The following SLIT1 variants were observed in gnomAD, a reference collection of about 807,000 sequenced individuals.
SLIT1 encodes slit guidance ligand 1.
SLIT1 carries 66 observed loss-of-function variants against 186.1 expected under a neutral mutation model. That is an observed-to-expected ratio of 0.35 (90% confidence interval 0.29 to 0.44). The LOEUF is 0.44. SLIT1 is among the 20% of genes least tolerant of loss of function. The pLI, the probability that SLIT1 is intolerant of heterozygous loss-of-function variation, is 1.00. For synonymous variants in SLIT1, 761 were observed against 833.8 expected (o/e 0.91, Z 1.50); for missense variants, 1,638 against 2,037.4 (o/e 0.80, Z 3.77).
chr10:97,037,628 C>T, intron 22 of SLIT1, 70 bp downstream of exon 22: 1 of 1,231,082 alleles, frequency 8.1e-7, no homozygotes, highest in Non-Finnish European at 1.2e-6. Flanking sequence ...GTAGGAAATT[C>T]CAGGAAAGCC....
chr10:97,073,141 T>G lies in SLIT1; in HGVS notation c.414-7055A>C, dbSNP rs564061994. Reference sequence around the variant, plus strand: ...TTTTTGCTCCAACTGACTTCCTACCTTGCCAATACTTGTCTCATCTTTCCC... The same window carrying G: ...TTTTTGCTCCAACTGACTTCCTACCGTGCCAATACTTGTCTCATCTTTCCC... On this transcript the variant is annotated intron_variant, in intron 4 of 36. Transcript: ENST00000266058. Among the ~76,000 whole-genome samples, 11 of 152,324 alleles carry G rather than the reference T, an allele frequency of 7.2e-5. No individual in the cohort carries two copies. In the East Asian group the frequency reaches 2.1e-3, roughly 29 times the overall value.
At chr10:97,051,363 A>G (rs561079034) in intron 13 of SLIT1, among the ~76,000 whole-genome samples, 563 of 151,934 alleles carry the variant, frequency 3.7e-3, no homozygotes, top group Non-Finnish European at 6.3e-3. Context: ...AAAATAGTAC[A>G]GCCAAGTGTT....
At chr10:97,143,024 C>T (rs1019824715) in intron 4 of SLIT1, among the ~76,000 whole-genome samples, 17 of 152,122 alleles carry the variant, frequency 1.1e-4, no homozygotes, top group Admixed American at 8.5e-4. Flanking sequence ...TCCTTATGCA[C>T]TGATGGTGGG....
intron 4 of SLIT1, among the ~76,000 whole-genome samples, chr10:97,098,708 GACACCT>G (rs1169590634): frequency 6.6e-6 from 1 of 152,196 alleles, no homozygotes; most frequent in Non-Finnish European, 1.5e-5. Context: ...TCAGGAAGAT[GACACCT>G]AGCACCAAGT....
chr10:97,024,482 G>T (rs1848528416), intron 25 of SLIT1, among the ~76,000 whole-genome samples: 1 of 152,228 alleles, frequency 6.6e-6, no homozygotes, highest in South Asian at 2.1e-4. Flanking sequence ...AAAGAGAGCA[G>T]GTTCGACCTC....
At chr10:97,111,684 T>C (rs529080222) in intron 4 of SLIT1, among the ~76,000 whole-genome samples, 2 of 152,348 alleles carry the variant, frequency 1.3e-5, no homozygotes, top group East Asian at 3.9e-4. Flanking sequence ...GCCTATTCTC[T>C]GAAGCGCCTG....
intron 4 of SLIT1, among the ~76,000 whole-genome samples, chr10:97,156,941 C>T (rs1304770194): frequency 2.6e-5 from 4 of 152,164 alleles, no homozygotes; most frequent in African/African-American, 9.7e-5. Flanking sequence ...ATTAAGGGAA[C>T]TAAAAAACAT....
At chr10:97,071,991 C>T (rs1008951288) in intron 4 of SLIT1, among the ~76,000 whole-genome samples, 1 of 152,168 alleles carries the variant, frequency 6.6e-6, no homozygotes, top group Non-Finnish European at 1.5e-5. Flanking sequence ...AGGCAGACTC[C>T]AGGTAGGCCC....
chr10:97,048,464 GC>G (rs1417369832), intron 14 of SLIT1, among the ~76,000 whole-genome samples: 1 of 152,162 alleles, frequency 6.6e-6, no homozygotes, highest in Non-Finnish European at 1.5e-5. Flanking sequence ...GTCTTAAAAG[GC>G]TTGACAACAA....
Position 97,060,108 on chromosome 10 carries a change from G to A in SLIT1, c.992C>T (p.Pro331Leu). Residue 331 changes from proline (P) to leucine (L), a missense_variant, in exon 10 of 37, where the codon CCC (proline) becomes CTC (leucine). This residue lies in a region of SLIT1 where 1,245 missense variants were observed against 1,535.3 expected (regional missense o/e 0.81). Transcript: ENST00000266058. ...IKSIPPGAFS[P>L]YRKLRRIDLS... ...TCACATCCTCCGTAGCTTTCTGTAG[G>A]GTGAGAAGGCTCCAGGAGGGATGGA... 1.2e-6 allele frequency: 2 copies of A among 1,613,868 alleles called. No individual in the cohort carries two copies. The highest frequency in any genetic ancestry group is 1.7e-6 in the Non-Finnish European group (2 of 1,179,726).
intron 5 of SLIT1, 97 bp from the exon 6 acceptor site, chr10:97,064,973 T>A: frequency 1.1e-6 from 1 of 870,102 alleles, no homozygotes; most frequent in Non-Finnish European, 1.8e-6. Flanking sequence ...TCAAAAGAGG[T>A]GCACCCCTAG....
In SLIT1 at chr10:97,060,166, G is replaced by A. The variant is rs750774035; in HGVS notation, c.942-8C>T. The A allele has an allele frequency of 6.2e-7, 1 of 1,613,276 alleles. No individual in the cohort carries two copies. Among genetic ancestry groups the A allele is most frequent in the South Asian group, 1.1e-5 (1 of 91,074 alleles). ...CCGTTCAGCTCCAGGCGTCTGCGGG[G>A]AGAAAAGAGAGGGGAAGCCCAAGGG... On this transcript the variant is annotated splice_polypyrimidine_tract_variant and splice_region_variant and intron_variant, in intron 9 of 36. Coordinates refer to ENST00000266058, the MANE Select transcript of SLIT1 (RefSeq NM_003061.3).
chr10:97,078,774 T>C (rs568222364), intron 4 of SLIT1, among the ~76,000 whole-genome samples: 3 of 152,346 alleles, frequency 2.0e-5, no homozygotes, highest in East Asian at 3.9e-4. Flanking sequence ...CCCCTCTGCA[T>C]GTGAACACCA....
intron 4 of SLIT1, among the ~76,000 whole-genome samples, chr10:97,105,868 C>T (rs7894400): frequency 0.29 from 43,536 of 152,092 alleles, 6,889 homozygotes; most frequent in African/African-American, 0.43. Context: ...GACAACCATA[C>T]CCGGAATCTG....
intron 4 of SLIT1, among the ~76,000 whole-genome samples, chr10:97,080,891 T>C (rs2134654084): frequency 6.6e-6 from 1 of 152,346 alleles, no homozygotes; most frequent in Middle Eastern, 3.4e-3. Flanking sequence ...ATTACTCACA[T>C]GCTCCCAGCC....
In SLIT1 at chr10:97,110,752, G is replaced by T. The variant is rs747224945; in HGVS notation, c.414-44666C>A. 3.3e-5 allele frequency among the ~76,000 whole-genome samples: 5 copies of T among 152,272 alleles called. 1 individual carries two copies. In the Middle Eastern group the frequency reaches 0.01, roughly 311 times the overall value. On this transcript the variant is annotated intron_variant, in intron 4 of 36. Transcript: ENST00000266058. Reference sequence around the variant, plus strand: ...CTGGGGTTGGGTTGGAGAGGGAACGGGACCTTCCTGCAGCTTTGCTACGTT... The same window carrying T: ...CTGGGGTTGGGTTGGAGAGGGAACGTGACCTTCCTGCAGCTTTGCTACGTT...
intron 13 of SLIT1, 51 bp from the exon 14 acceptor site, chr10:97,049,169 G>A (rs1433842216): frequency 1.3e-6 from 2 of 1,578,278 alleles, no homozygotes; most frequent in Non-Finnish European, 1.7e-6. Context: ...GCAAACCCGC[G>A]CTGACCTCCA....
At chr10:97,172,731 G>A (rs1850206597) in intron 1 of SLIT1, among the ~76,000 whole-genome samples, 1 of 152,092 alleles carries the variant, frequency 6.6e-6, no homozygotes, top group African/African-American at 2.4e-5. Flanking sequence ...GCAAGACCCT[G>A]TCTCAACAAA....
Position 97,043,277 on chromosome 10 carries a change from C to A in SLIT1, c.1997+93G>T. ...TTCAGCAAACCACGAAGACCCAGCA[C>A]CCCCAGGGTGAGCTCTTTCAAAGTG... On this transcript the variant is annotated intron_variant, in intron 19 of 36. Transcript: ENST00000266058. The surrounding 1 kb of genome is among the most constrained non-coding windows in gnomAD (Gnocchi z 7.0). 1 of 1,520,368 alleles carries A rather than the reference C, an allele frequency of 6.6e-7. No homozygotes were observed. Among genetic ancestry groups the A allele is most frequent in the African/African-American group, 1.4e-5 (1 of 73,018 alleles). 94.2% of individuals were successfully genotyped at this position (1,520,368 alleles called of 1,614,324 possible). A position where few individuals can be genotyped will look rare whatever the true frequency, so the allele number is the denominator to read the frequency against.
Sources: gnomAD v4.1 joint callset for allele counts (sites outside exome capture counted in the v4.1 genomes callset) on GRCh38, gnomAD v4.1.1 for gene constraint, gnomAD v4.1.1 regional missense constraint, Gnocchi (gnomAD v3.1) non-coding constraint, MANE v1.5 for transcripts, NCBI Gene and HGNC (gene_info 2026-07-23, HGNC 2026-07-21) for gene names.